FAM83D: variants seen among roughly 807,000 people sequenced by gnomAD.
FAM83D encodes the protein protein FAM83D.
FAM83D carries 26 observed loss-of-function variants against 25.4 expected under a neutral mutation model. The ratio of observed to expected loss-of-function variants is 1.02; its 90% CI spans 0.75 to 1.42. The LOEUF (loss-of-function observed/expected upper bound fraction) is 1.42, where lower values mean the gene tolerates loss of function less well. FAM83D is among the 40% of genes most tolerant of loss of function. The probability of loss-of-function intolerance (pLI) is 0.00; values close to 1 mark genes in which losing one functional copy is unlikely to be tolerated. For missense variants in FAM83D, 740 were observed against 758.1 expected (o/e 0.98, Z 0.28); for synonymous variants, 310 against 318.5 (o/e 0.97, Z 0.28).
intron 2 of FAM83D, among the ~76,000 whole-genome samples, chr20:38,943,935 A>G (rs1271281215): frequency 6.6e-6 from 1 of 151,670 alleles, no homozygotes; most frequent in Non-Finnish European, 1.5e-5. Context: ...CAACTGATCC[A>G]CCCGCCTCGG....
chr20:38,940,735 G>A (rs2085698286), intron 1 of FAM83D, among the ~76,000 whole-genome samples: 1 of 152,148 alleles, frequency 6.6e-6, no homozygotes, highest in Non-Finnish European at 1.5e-5. Context: ...AGTTTGCTGA[G>A]GACCTTGGTT....
intron 2 of FAM83D, 28 bp from the exon 3 acceptor site, chr20:38,947,846 ATT>A: frequency 6.2e-7 from 1 of 1,611,660 alleles, no homozygotes; most frequent in Non-Finnish European, 8.5e-7. Flanking sequence ...TGAATTGTTC[ATT>A]TATATTTCTC....
At position 38,926,429 on chromosome 20, in the gene FAM83D, G is replaced by C; in HGVS notation, c.-14G>C. On this transcript the variant is annotated 5_prime_UTR_variant, in exon 1 of 4. Transcript: ENST00000619850. ...CCGGTTTTTGTCCGAGGGCTGTCGA[G>C]TCCGAGCGCCGCCATGGCTCTGCTG... is the stretch of plus-strand genomic sequence containing the variant. The C allele has an allele frequency of 1.3e-6, 2 of 1,597,808 alleles. No individual in the cohort carries two copies. The highest frequency in any genetic ancestry group is 2.2e-5 in the South Asian group (2 of 90,902).
chr20:38,938,031 G>C (rs925214711), intron 1 of FAM83D, among the ~76,000 whole-genome samples: 3 of 152,170 alleles, frequency 2.0e-5, no homozygotes, highest in Non-Finnish European at 4.4e-5. Context: ...TGGGTGTAGG[G>C]GAAGTCAGGG....
At position 38,942,238 on chromosome 20, in the gene FAM83D, C is replaced by T. The variant is rs531736027; in HGVS notation, c.651+112C>T. 53 of 1,185,270 alleles carry T rather than the reference C, an allele frequency of 4.5e-5. No homozygotes were observed. The African/African-American group carries it at 7.3e-4, about 16-fold the overall frequency. 73.4% of individuals were successfully genotyped at this position (1,185,270 alleles called of 1,614,324 possible). A position where few individuals can be genotyped will look rare whatever the true frequency, so the allele number is the denominator to read the frequency against. ...CCTGTTTACAAGGAAGGGACTGAGG[C>T]TGTGAGCAAAGTCATTTGCCTGGTC... On this transcript the variant is annotated intron_variant, in intron 2 of 3. Coordinates refer to ENST00000619850, the MANE Select transcript of FAM83D (RefSeq NM_030919.3).
Position 38,952,826 on chromosome 20 carries a change from T to A in FAM83D, c.*306T>A, listed in dbSNP as rs1280373882. On this transcript the variant is annotated 3_prime_UTR_variant, in exon 4 of 4. Coordinates refer to ENST00000619850, the MANE Select transcript of FAM83D (RefSeq NM_030919.3). The stretch of plus-strand genomic sequence containing the variant: ...GACCACGTATATGTTGGCAGTCTCA[T>A]AAGATTATAATACTGTATTTTTACT... 1 of 369,998 alleles carries A rather than the reference T, an allele frequency of 2.7e-6. No individual in the cohort carries two copies. Among genetic ancestry groups the A allele is most frequent in the Non-Finnish European group, 4.9e-6 (1 of 203,752 alleles). The allele number at this position is 369,998 out of a possible 1,614,324, so 22.9% of individuals were successfully genotyped here.
At chr20:38,932,892 C>A (rs1328045050) in intron 1 of FAM83D, among the ~76,000 whole-genome samples, 1 of 152,202 alleles carries the variant, frequency 6.6e-6, no homozygotes, top group Non-Finnish European at 1.5e-5. Context: ...CTCTTGATAA[C>A]CTGAGCGTTA....
intron 1 of FAM83D, among the ~76,000 whole-genome samples, chr20:38,936,425 G>A (rs973462747): frequency 6.6e-6 from 1 of 152,038 alleles, no homozygotes; most frequent in South Asian, 2.1e-4. Flanking sequence ...AAGAATATGA[G>A]TAGCTGCCAT....
intron 3 of FAM83D, 139 bp downstream of exon 3, chr20:38,948,139 C>A: frequency 9.5e-7 from 1 of 1,056,270 alleles, no homozygotes; most frequent in Non-Finnish European, 1.3e-6. Flanking sequence ...TGTATAGCAG[C>A]TGGTTATCAA....
At chr20:38,935,586 G>T (rs1022921336) in intron 1 of FAM83D, among the ~76,000 whole-genome samples, 14 of 152,294 alleles carry the variant, frequency 9.2e-5, no homozygotes, top group African/African-American at 3.4e-4. Flanking sequence ...GGGACTTAAA[G>T]GCACATGCCA....
chr20:38,943,083 G>A (rs1409868731), intron 2 of FAM83D, among the ~76,000 whole-genome samples: 1 of 150,560 alleles, frequency 6.6e-6, no homozygotes, highest in Admixed American at 6.6e-5. Flanking sequence ...GGAGTACAGT[G>A]GCCCAATCTA....
At chr20:38,928,325 C>T (rs2085645116) in intron 1 of FAM83D, among the ~76,000 whole-genome samples, 1 of 152,190 alleles carries the variant, frequency 6.6e-6, no homozygotes, top group African/African-American at 2.4e-5. Flanking sequence ...TGTTCTTTCC[C>T]TGACTGGTGG....
At chr20:38,927,028 G>A in intron 1 of FAM83D, 103 bp downstream of exon 1, 1 of 1,383,626 alleles carries the variant, frequency 7.2e-7, no homozygotes. Context: ...CCTCCTCTGC[G>A]CCCTACCGGA....
At chr20:38,944,360 A>G (rs1033317826) in intron 2 of FAM83D, among the ~76,000 whole-genome samples, 2 of 152,258 alleles carry the variant, frequency 1.3e-5, no homozygotes, top group African/African-American at 4.8e-5. Flanking sequence ...TTAGAAAATG[A>G]GTCCAGGTGG....
At chr20:38,929,515 G>C (rs540942510) in intron 1 of FAM83D, among the ~76,000 whole-genome samples, 1 of 152,056 alleles carries the variant, frequency 6.6e-6, no homozygotes, top group African/African-American at 2.4e-5. Context: ...TCCCCACAGC[G>C]GGTTAGTGGT....
At chr20:38,943,610 A>G (rs897700817) in intron 2 of FAM83D, among the ~76,000 whole-genome samples, 1 of 152,246 alleles carries the variant, frequency 6.6e-6, no homozygotes, top group African/African-American at 2.4e-5. Context: ...GTGGAAGCCT[A>G]TACAACATAG....
In FAM83D at chr20:38,941,944, C is replaced by G. The variant is rs1410773190; in HGVS notation, c.484-15C>G. Reference sequence around the variant, plus strand: ...CTATAAGCTTATCATGTGCTCTTCCCTGTTTCACCTGTAGGTGATTGCAGT... The same window carrying G: ...CTATAAGCTTATCATGTGCTCTTCCGTGTTTCACCTGTAGGTGATTGCAGT... On this transcript the variant is annotated splice_polypyrimidine_tract_variant and intron_variant, in intron 1 of 3. Coordinates refer to ENST00000619850, the MANE Select transcript of FAM83D (RefSeq NM_030919.3). 1.9e-6 allele frequency: 3 copies of G among 1,613,162 alleles called. No individual in the cohort carries two copies. The highest frequency in any genetic ancestry group is 2.5e-6 in the Non-Finnish European group (3 of 1,179,944).
Position 38,951,948 on chromosome 20 carries a change from G to A in FAM83D, c.1186G>A (p.Gly396Arg), listed in dbSNP as rs374443421. Residue 396 changes from glycine to arginine, a missense_variant, in exon 4 of 4, where the codon GGA becomes AGA. Physicochemically the swap from Gly to Arg is moderately radical, Grantham distance 125 (BLOSUM62 -2). Transcript: ENST00000619850. ...TGACGCTGCCACTCAAACAGAGCCA[G>A]GAGAGGAGATGCCAGGGCTGAGTGT... Reference protein sequence around the residue: ...AIDAATQTEPGEEMPGLSVSE... With the variant: ...AIDAATQTEPREEMPGLSVSE... The A allele has an allele frequency of 1.1e-5, 18 of 1,614,064 alleles. No homozygotes were observed. Among genetic ancestry groups the A allele is most frequent in the Non-Finnish European group, 1.4e-5 (17 of 1,180,050 alleles).
chr20:38,943,462 G>A (rs2085712016), intron 2 of FAM83D, among the ~76,000 whole-genome samples: 1 of 152,076 alleles, frequency 6.6e-6, no homozygotes, highest in African/African-American at 2.4e-5. Context: ...GTGGGCCTAG[G>A]GTCTGCCTCC....
Sources: gnomAD v4.1 joint callset for allele counts (sites outside exome capture counted in the v4.1 genomes callset) on GRCh38, gnomAD v4.1.1 for gene constraint, MANE v1.5 for transcripts, NCBI Gene and HGNC (gene_info 2026-07-23, HGNC 2026-07-21) for gene names.